The following TARBP1 variants were observed in gnomAD, a reference collection of about 807,000 sequenced individuals.
TARBP1 encodes the protein tRNA guanosine 2 -O-methyltransferase TARBP1.
TARBP1 carries 144 observed loss-of-function variants against 178.6 expected under a neutral mutation model. That is an observed-to-expected ratio of 0.81 (90% CI 0.70 to 0.93). The LOEUF (loss-of-function observed/expected upper bound fraction) is 0.93, where lower values mean the gene tolerates loss of function less well. Among genes scored for constraint, TARBP1 ranks in the 40% least tolerant of loss-of-function variants. The probability of loss-of-function intolerance (pLI) is 0.00; values close to 1 mark genes in which losing one functional copy is unlikely to be tolerated. For synonymous variants in TARBP1, 787 were observed against 781.0 expected, an observed-to-expected ratio of 1.01 and a Z score of -0.13; for missense variants, 2,067 against 2,011.7, an observed-to-expected ratio of 1.03 and a Z score of -0.53.
intron 25 of TARBP1, among the ~76,000 whole-genome samples, chr1:234,398,771 C>A (rs1264179738): frequency 6.6e-6 from 1 of 152,128 alleles, no homozygotes; most frequent in Non-Finnish European, 1.5e-5. Context: ...TGAGAGGAGG[C>A]AGAACTTGTA....
intron 13 of TARBP1, among the ~76,000 whole-genome samples, chr1:234,434,624 C>T (rs1664816243): frequency 6.6e-6 from 1 of 152,152 alleles, no homozygotes; most frequent in South Asian, 2.1e-4. Flanking sequence ...AGAAATTCGA[C>T]TGACACCATC....
intron 6 of TARBP1, among the ~76,000 whole-genome samples, chr1:234,463,310 G>C (rs1668091708): frequency 6.6e-6 from 1 of 152,164 alleles, no homozygotes; most frequent in South Asian, 2.1e-4. Flanking sequence ...TTTTAGTGGA[G>C]ACAGAGTTTC....
At chr1:234,417,396 A>G (rs188091512) in intron 22 of TARBP1, among the ~76,000 whole-genome samples, 13 of 152,326 alleles carry the variant, frequency 8.5e-5, no homozygotes, top group Admixed American at 7.2e-4. Context: ...GGAGAAAGAG[A>G]TATTTTGAGG....
intron 26 of TARBP1, among the ~76,000 whole-genome samples, chr1:234,397,091 A>G (rs977838842): frequency 4.7e-5 from 7 of 148,656 alleles, no homozygotes; most frequent in Non-Finnish European, 1.0e-4. Flanking sequence ...GAATGAGGCT[A>G]AAATGTGAGT....
At chr1:234,428,791 C>T (rs1191439668) in intron 17 of TARBP1, among the ~76,000 whole-genome samples, 2 of 152,194 alleles carry the variant, frequency 1.3e-5, no homozygotes, top group Non-Finnish European at 2.9e-5. Flanking sequence ...CGTGATCCGC[C>T]CGCCTCAGCC....
intron 9 of TARBP1, among the ~76,000 whole-genome samples, chr1:234,457,017 T>C (rs753634607): frequency 2.0e-5 from 3 of 152,174 alleles, no homozygotes; most frequent in Non-Finnish European, 2.9e-5. Context: ...GTCAGTTGTA[T>C]AAACTAAACC....
intron 24 of TARBP1, among the ~76,000 whole-genome samples, chr1:234,402,653 C>T (rs1444094852): frequency 6.6e-6 from 1 of 152,062 alleles, no homozygotes; most frequent in Non-Finnish European, 1.5e-5. Flanking sequence ...CCGCTCACTG[C>T]AGCCTCAACT....
chr1:234,429,771 G>T lies in TARBP1; in HGVS notation c.2610-94C>A, dbSNP rs961650326. 5.3e-5 allele frequency: 69 copies of T among 1,311,002 alleles called. 1 individual carries two copies. The South Asian group carries it at 7.9e-4, about 15-fold the overall frequency. 81.2% of individuals were successfully genotyped at this position (1,311,002 alleles called of 1,614,324 possible). On this transcript the variant is annotated intron_variant, in intron 15 of 29. Transcript: ENST00000040877. ...CACTATCCTTTCTAAAGGTGGGGGGGGGGGGGCAGTGTACAGATATAAATG... is the reference window on the plus strand; with the variant it reads ...CACTATCCTTTCTAAAGGTGGGGGGTGGGGGGCAGTGTACAGATATAAATG...
At chr1:234,394,105 G>A (rs866680900) in intron 26 of TARBP1, among the ~76,000 whole-genome samples, 11 of 152,066 alleles carry the variant, frequency 7.2e-5, no homozygotes, top group African/African-American at 1.7e-4. Flanking sequence ...GTTTTTTCAC[G>A]TTTTAGCATA....
At position 234,419,129 on chromosome 1, in the gene TARBP1, T is replaced by C. The variant is rs182110120; in HGVS notation, c.3556-896A>G. Among the ~76,000 whole-genome samples the C allele has an allele frequency of 4.5e-3, 677 of 152,028 alleles. 2 individuals are homozygous for C. The highest frequency in any genetic ancestry group is 7.0e-3 in the Non-Finnish European group (477 of 67,980). ...CGGAGCCTGCAGTGAGCCGAGATCG[T>C]GCCACTGCACTCCAGCCTGGGTGAA... is the stretch of plus-strand genomic sequence containing the variant. On this transcript the variant is annotated intron_variant, in intron 21 of 29. Transcript: ENST00000040877.
chr1:234,437,032 C>T (rs1256647686), intron 13 of TARBP1, among the ~76,000 whole-genome samples: 2 of 152,130 alleles, frequency 1.3e-5, no homozygotes, highest in Admixed American at 6.5e-5. Context: ...TCTCCAAATC[C>T]TTGGATGTAA....
intron 24 of TARBP1, among the ~76,000 whole-genome samples, chr1:234,404,089 G>A (rs1249683575): frequency 6.6e-6 from 1 of 152,168 alleles, no homozygotes; most frequent in Non-Finnish European, 1.5e-5. Context: ...AAATATGACT[G>A]GAGCCAATTG....
chr1:234,401,389 C>CT (rs1374356654), intron 24 of TARBP1, 127 bp from the exon 25 acceptor site: 7 of 653,704 alleles, frequency 1.1e-5, no homozygotes, highest in African/African-American at 1.8e-5. Context: ...TGAACTTTAT[C>CT]CTAAGATTTA....
chr1:234,398,625 C>A, intron 25 of TARBP1, 72 bp from the exon 26 acceptor site: 1 of 1,145,266 alleles, frequency 8.7e-7, no homozygotes, highest in Non-Finnish European at 1.2e-6. Context: ...ATTTAAAATA[C>A]AACTTAATTA....
intron 12 of TARBP1, among the ~76,000 whole-genome samples, chr1:234,444,749 C>G (rs1276437524): frequency 6.6e-6 from 1 of 152,014 alleles, no homozygotes; most frequent in Non-Finnish European, 1.5e-5. Flanking sequence ...TATATCCACC[C>G]ACCTACCTGC....
chr1:234,466,375 G>T (rs1668437406), intron 4 of TARBP1, among the ~76,000 whole-genome samples: 1 of 151,966 alleles, frequency 6.6e-6, no homozygotes, highest in African/African-American at 2.4e-5. Context: ...AGCCAGGCAT[G>T]GTGGCGTGCA....
At chr1:234,447,796 C>T (rs1243456458) in intron 11 of TARBP1, among the ~76,000 whole-genome samples, 4 of 135,456 alleles carry the variant, frequency 3.0e-5, no homozygotes, top group African/African-American at 8.2e-5. Flanking sequence ...TCTTTATTAC[C>T]GTTTTTTTAA....
intron 9 of TARBP1, among the ~76,000 whole-genome samples, chr1:234,452,116 T>C (rs1362747061): frequency 6.6e-6 from 1 of 152,166 alleles, no homozygotes; most frequent in Non-Finnish European, 1.5e-5. Flanking sequence ...TTTCCCTCTA[T>C]CAAATCTGTC....
At chr1:234,458,697 C>A (rs1667540958) in intron 8 of TARBP1, among the ~76,000 whole-genome samples, 1 of 152,150 alleles carries the variant, frequency 6.6e-6, no homozygotes, top group Admixed American at 6.5e-5. Context: ...ATATATATTC[C>A]TTGAATGTCG....
Sources: gnomAD v4.1 joint callset for allele counts (sites outside exome capture counted in the v4.1 genomes callset) on GRCh38, gnomAD v4.1.1 for gene constraint, MANE v1.5 for transcripts, NCBI Gene and HGNC (gene_info 2026-07-23, HGNC 2026-07-21) for gene names.